The following HEMK2 variants were observed in gnomAD, a reference collection of about 807,000 sequenced individuals.
HEMK2 encodes the protein HemK methyltransferase 2, ETF1 glutamine and histone H4 lysine, also known as methyltransferase HEMK2.
the HEMK2 span, among the ~76,000 whole-genome samples, chr21:28,576,223 AG>A: frequency 6.6e-6 from 1 of 152,214 alleles, no homozygotes; most frequent in Non-Finnish European, 1.5e-5. Context: ...TATGAGTTCC[AG>A]TTGCTCCATG....
the HEMK2 span, among the ~76,000 whole-genome samples, chr21:28,604,855 G>C: frequency 6.6e-6 from 1 of 152,204 alleles, no homozygotes; most frequent in East Asian, 1.9e-4. Flanking sequence ...ATACAGTGGA[G>C]TGGTCAGAGT....
At chr21:28,762,251 C>T in the HEMK2 span, among the ~76,000 whole-genome samples, 1 of 152,096 alleles carries the variant, frequency 6.6e-6, no homozygotes, top group Admixed American at 6.6e-5. Context: ...ACCCACATCA[C>T]TTGCTATTCC....
At chr21:28,738,124 C>T in the HEMK2 span, among the ~76,000 whole-genome samples, 1 of 152,196 alleles carries the variant, frequency 6.6e-6, no homozygotes, top group African/African-American at 2.4e-5. Context: ...CCCCTCTTTA[C>T]ATGTTCATCT....
the HEMK2 span, among the ~76,000 whole-genome samples, chr21:28,828,917 T>C: frequency 3.3e-5 from 5 of 152,222 alleles, no homozygotes; most frequent in Non-Finnish European, 7.3e-5. Flanking sequence ...GTGATTATTA[T>C]AAGCAGGGAG....
chr21:28,859,648 T>C, the HEMK2 span, among the ~76,000 whole-genome samples: 1 of 152,160 alleles, frequency 6.6e-6, no homozygotes, highest in Non-Finnish European at 1.5e-5. Flanking sequence ...ACATTTGTGG[T>C]TATTTATCTC....
At chr21:28,700,921 C>G in the HEMK2 span, among the ~76,000 whole-genome samples, 1 of 152,090 alleles carries the variant, frequency 6.6e-6, no homozygotes, top group Non-Finnish European at 1.5e-5. Context: ...CAAACTGAAT[C>G]CAGTAGCACA....
chr21:28,692,550 A>T, the HEMK2 span, among the ~76,000 whole-genome samples: 1 of 152,140 alleles, frequency 6.6e-6, no homozygotes, highest in Admixed American at 6.5e-5. Context: ...TAACCAAAGA[A>T]TCTAAAAGGA....
chr21:28,867,610 T>C, the HEMK2 span, among the ~76,000 whole-genome samples: 3 of 152,196 alleles, frequency 2.0e-5, no homozygotes, highest in Non-Finnish European at 1.5e-5. Flanking sequence ...AGGAACTTTA[T>C]TACTCATAGT....
the HEMK2 span, among the ~76,000 whole-genome samples, chr21:28,680,626 G>C: frequency 7.2e-5 from 11 of 152,272 alleles, no homozygotes; most frequent in Non-Finnish European, 1.5e-4. Context: ...CAATATCCCT[G>C]ATGAACATTG....
the HEMK2 span, among the ~76,000 whole-genome samples, chr21:28,793,363 A>G: frequency 6.6e-6 from 1 of 152,210 alleles, no homozygotes; most frequent in Admixed American, 6.5e-5. Context: ...AAATGCACCT[A>G]TTTGTCAAAA....
At chr21:28,833,578 T>G in the HEMK2 span, among the ~76,000 whole-genome samples, 2 of 152,220 alleles carry the variant, frequency 1.3e-5, no homozygotes, top group African/African-American at 4.8e-5. Flanking sequence ...ATAAATTACA[T>G]TATCCCTCCT....
the HEMK2 span, among the ~76,000 whole-genome samples, chr21:28,654,169 G>C: frequency 6.6e-6 from 1 of 152,160 alleles, no homozygotes; most frequent in Non-Finnish European, 1.5e-5. Flanking sequence ...TGGTCTCACT[G>C]TCTTCTTGAA....
chr21:28,722,954 T>C, the HEMK2 span, among the ~76,000 whole-genome samples: 1 of 151,948 alleles, frequency 6.6e-6, no homozygotes, highest in Non-Finnish European at 1.5e-5. Context: ...CTCTCTTTTA[T>C]ACCTGCAGGA....
At chr21:28,834,356 G>A in the HEMK2 span, among the ~76,000 whole-genome samples, 2 of 152,202 alleles carry the variant, frequency 1.3e-5, no homozygotes, top group East Asian at 1.9e-4. Flanking sequence ...AGCAGAAAAT[G>A]GAGACCCTCC....
the HEMK2 span, among the ~76,000 whole-genome samples, chr21:28,824,702 C>T: frequency 6.6e-6 from 1 of 152,142 alleles, no homozygotes; most frequent in African/African-American, 2.4e-5. Flanking sequence ...GAAATGTAGC[C>T]TATTCAATAC....
the HEMK2 span, among the ~76,000 whole-genome samples, chr21:28,759,897 A>G: frequency 1.3e-5 from 2 of 152,260 alleles, no homozygotes; most frequent in South Asian, 2.1e-4. Context: ...CCAGTCTCGG[A>G]TATGTCTTTA....
the HEMK2 span, among the ~76,000 whole-genome samples, chr21:28,870,148 C>G: frequency 6.6e-6 from 1 of 152,150 alleles, no homozygotes; most frequent in Admixed American, 6.5e-5. Flanking sequence ...TTTAGCTTTA[C>G]AGGAAAACTG....
At chr21:28,802,936 A>AAGTTGTGGATGATCT in the HEMK2 span, among the ~76,000 whole-genome samples, 7 of 152,174 alleles carry the variant, frequency 4.6e-5, no homozygotes, top group African/African-American at 1.4e-4. Context: ...TCATCTACAT[A>AAGTTGTGGATGATCT]AGTTGTGGGA....
chr21:28,844,098 T>C, the HEMK2 span, among the ~76,000 whole-genome samples: 5 of 152,112 alleles, frequency 3.3e-5, no homozygotes, highest in African/African-American at 9.7e-5. Context: ...TATATATATA[T>C]ACACATTTAA....
Sources: allele counts gnomAD v4.1 joint callset (sites outside exome capture counted in the v4.1 genomes callset), GRCh38; gene constraint gnomAD v4.1.1; transcripts MANE v1.5; gene names NCBI Gene and HGNC (gene_info 2026-07-23, HGNC 2026-07-21).